BAZ2A: variants seen among roughly 807,000 people sequenced by gnomAD.
The protein encoded by BAZ2A is bromodomain adjacent to zinc finger domain protein 2A.
BAZ2A carries 34 observed loss-of-function variants against 199.9 expected under a neutral mutation model. The ratio of observed to expected loss-of-function variants is 0.17; its 90% CI spans 0.13 to 0.23. The LOEUF is 0.23. BAZ2A is among the 10% of genes least tolerant of loss of function. BAZ2A has a pLI of 1.00. For synonymous variants in BAZ2A, 857 were observed against 883.9 expected (o/e 0.97, Z 0.54); for missense variants, 2,002 against 2,391.1 (o/e 0.84, Z 3.39).
chr12:56,604,891 C>T, intron 14 of BAZ2A, 92 bp from the exon 15 acceptor site: 12 of 1,448,914 alleles, frequency 8.3e-6, no homozygotes, highest in South Asian at 2.5e-5. Flanking sequence ...CAGAAGAGAA[C>T]TATGGGGGTT....
chr12:56,605,814 A>T lies in BAZ2A; in HGVS notation c.2493+16T>A. 1.3e-6 allele frequency: 2 copies of T among 1,597,394 alleles called. No individual in the cohort carries two copies. Among genetic ancestry groups the T allele is most frequent in the Non-Finnish European group, 1.7e-6 (2 of 1,172,476 alleles). The stretch of plus-strand genomic sequence containing the variant: ...CTTCCCAGCTGACCCAGGAACTGTT[A>T]CTCTCTCCTCACTACCTGGTGGTCA... On this transcript the variant is annotated intron_variant, in intron 13 of 28. Coordinates refer to ENST00000549884, the MANE Select transcript of BAZ2A (RefSeq NM_001300905.2).
intron 10 of BAZ2A, among the ~76,000 whole-genome samples, chr12:56,607,413 C>A (rs1461340598): frequency 2.0e-5 from 3 of 152,166 alleles, no homozygotes; most frequent in Non-Finnish European, 2.9e-5. Context: ...ACTCTGTCGC[C>A]CAGGCTGAAG....
rs780503988 is a variant in BAZ2A at position 56,606,250 on chromosome 12, G to T, written c.2256C>A (p.Ser752=). The T allele has an allele frequency of 1.2e-6, 2 of 1,613,870 alleles. No homozygotes were observed. Among genetic ancestry groups the T allele is most frequent in the East Asian group, 4.5e-5 (2 of 44,882 alleles). ...SLKQKEAKKK[S]KAEKEKGKTK... ...GCAAGTTTGTACATGCACCTACCTTGGATTTCTTCTTAGCTTCCTTCTGCT... is the reference window on the plus strand; with the variant it reads ...GCAAGTTTGTACATGCACCTACCTTTGATTTCTTCTTAGCTTCCTTCTGCT... The change falls in exon 12 of 29, where the codon TCC becomes TCA. Residue 752 remains serine (S), a synonymous_variant. Transcript: ENST00000549884.
chr12:56,605,885 A>G lies in BAZ2A; in HGVS notation c.2438T>C (p.Met813Thr). 6.2e-7 allele frequency: 1 copy of G among 1,600,646 alleles called. No individual in the cohort carries two copies. The highest frequency in any genetic ancestry group is 2.3e-5 in the East Asian group (1 of 44,428). Residue 813 changes from methionine (M) to threonine (T), a missense_variant, in exon 13 of 29, where the codon ATG becomes ACG. Around this residue, in one of 6 missense-constraint regions of BAZ2A, gnomAD observed 1,081 missense variants for 1,274.7 expected, o/e 0.85. Transcript: ENST00000549884. ...RRLEERQRQQ[M>T]ILEEMKKPTE... ...CGGCTTCTTCATTTCCTCCAAGATC[A>G]TCTGCTGCCTCTGCCGTTCCTCCAA...
At position 56,603,956 on chromosome 12, in the gene BAZ2A, T is replaced by C. The variant is rs1231822808; in HGVS notation, c.3039-256A>G. 2.6e-5 allele frequency among the ~76,000 whole-genome samples: 4 copies of C among 152,022 alleles called. No individual in the cohort carries two copies. The East Asian group carries it at 7.7e-4, about 29-fold the overall frequency. ...TGAACCTGGGAGGCGGAGGTGGCAG[T>C]GAGCCAAGATTGCGCTATCGCATTC... On this transcript the variant is annotated intron_variant, in intron 16 of 28. Coordinates refer to ENST00000549884, the MANE Select transcript of BAZ2A (RefSeq NM_001300905.2).
chr12:56,611,711 C>T (rs1950563711), intron 6 of BAZ2A, 62 bp downstream of exon 6: 5 of 1,526,408 alleles, frequency 3.3e-6, no homozygotes, highest in Non-Finnish European at 8.8e-7. Flanking sequence ...AGGCTAACTA[C>T]AACATGGGAC....
chr12:56,608,265 G>A (rs941779323), intron 10 of BAZ2A, among the ~76,000 whole-genome samples: 6 of 151,504 alleles, frequency 4.0e-5, no homozygotes, highest in Admixed American at 2.6e-4. Flanking sequence ...CCAGCTACTC[G>A]GGAGGCCGAG....
intron 1 of BAZ2A, 46 bp from the exon 2 acceptor site, chr12:56,617,578 A>C (rs1242116425): frequency 6.4e-7 from 1 of 1,563,802 alleles, no homozygotes; most frequent in South Asian, 1.2e-5. Flanking sequence ...GCGGTTAAAC[A>C]AGGTTATGTC....
At chr12:56,636,082 G>A (rs2137526907) in intron 1 of BAZ2A, 1 of 1,377,646 alleles carries the variant, frequency 7.3e-7, no homozygotes, top group South Asian at 1.3e-5. Context: ...CTCTCCTTCA[G>A]CCCCCAAATG....
rs990743827 is a variant in BAZ2A, at chr12:56,635,383, G to T, written c.4+799C>A. Among the ~76,000 whole-genome samples the T allele has an allele frequency of 6.6e-6, 1 of 152,104 alleles. No homozygotes were observed. The highest frequency in any genetic ancestry group is 1.5e-5 in the Non-Finnish European group (1 of 67,998). On this transcript the variant is annotated intron_variant, in intron 1 of 29. Coordinates refer to the BAZ2A transcript ENST00000379441. The surrounding 1 kb of genome is among the most constrained non-coding windows in gnomAD (Gnocchi z 4.1). ...GGCTCCTAGGAGGCCTAGGGGTGCA[G>T]GAGAGGGAACTCAAGGCCGAGCCTG...
chr12:56,605,524 C>A, intron 13 of BAZ2A, 197 bp from the exon 14 acceptor site: 1 of 642,384 alleles, frequency 1.6e-6, no homozygotes, highest in Non-Finnish European at 2.6e-6. Flanking sequence ...TAAGCCCAAG[C>A]AATTCTCCCA....
intron 1 of BAZ2A, among the ~76,000 whole-genome samples, chr12:56,629,339 G>A (rs1951214420): frequency 6.6e-6 from 1 of 152,126 alleles, no homozygotes; most frequent in African/African-American, 2.4e-5. Flanking sequence ...CCTGAAAACT[G>A]GGAACACCGG....
intron 3 of BAZ2A, 54 bp downstream of exon 3, chr12:56,614,960 C>T (rs765853025): frequency 3.4e-6 from 5 of 1,483,298 alleles, no homozygotes; most frequent in Admixed American, 3.9e-5. Context: ...AAGCCACTAT[C>T]CCCCCCGAGC....
chr12:56,629,437 C>CT (rs1267496732), intron 1 of BAZ2A, among the ~76,000 whole-genome samples: 1 of 152,172 alleles, frequency 6.6e-6, no homozygotes, highest in Non-Finnish European at 1.5e-5. Flanking sequence ...AGGAATTCCT[C>CT]TTTATTCTTC....
chr12:56,612,380 A>T, intron 5 of BAZ2A, 134 bp from the exon 6 acceptor site: 1 of 751,656 alleles, frequency 1.3e-6, no homozygotes, highest in Non-Finnish European at 2.1e-6. Context: ...TTGGAAAAAG[A>T]AGTAGCTTTT....
chr12:56,636,166 T>G (rs1951445231), intron 1 of BAZ2A: 3 of 1,591,178 alleles, frequency 1.9e-6, no homozygotes, highest in Non-Finnish European at 2.6e-6. Context: ...TCCCCGGGGC[T>G]GGTCCCCATA....
intron 8 of BAZ2A, 21 bp downstream of exon 8, chr12:56,610,388 C>CT: frequency 6.2e-7 from 1 of 1,611,162 alleles, no homozygotes; most frequent in Non-Finnish European, 8.5e-7. Context: ...GAAAGCAGTC[C>CT]TTTAAAAAAA....
chr12:56,626,095 A>G (rs1329302698), intron 1 of BAZ2A, among the ~76,000 whole-genome samples: 1 of 152,056 alleles, frequency 6.6e-6, no homozygotes, highest in African/African-American at 2.4e-5. Context: ...TTTGTTTTGC[A>G]CAATTTTTTA....
chr12:56,619,577 T>C (rs1325190510), intron 1 of BAZ2A, among the ~76,000 whole-genome samples: 1 of 151,454 alleles, frequency 6.6e-6, no homozygotes, highest in Admixed American at 6.6e-5. Context: ...AAGAGTTACA[T>C]TCATAAATAT....
Sources: gnomAD v4.1 joint callset for allele counts (sites outside exome capture counted in the v4.1 genomes callset) on GRCh38, gnomAD v4.1.1 for gene constraint, gnomAD v4.1.1 regional missense constraint, Gnocchi (gnomAD v3.1) non-coding constraint, MANE v1.5 for transcripts, NCBI Gene and HGNC (gene_info 2026-07-23, HGNC 2026-07-21) for gene names.